Variants in STXBP5L observed in about 807,000 individuals in gnomAD.
STXBP5L encodes the protein syntaxin binding protein 5L.
In STXBP5L, 65 loss-of-function variants were observed where a neutral mutation model predicts 144.5. The ratio of observed to expected loss-of-function variants is 0.45; its 90% CI spans 0.37 to 0.55. The LOEUF is 0.55. Among genes scored for constraint, STXBP5L ranks in the 20% least tolerant of loss-of-function variants. STXBP5L has a pLI of 0.00. For synonymous variants in STXBP5L, 505 were observed against 469.6 expected (o/e 1.08, Z -0.97); for missense variants, 1,298 against 1,405.5 (o/e 0.92, Z 1.22).
At chr3:120,950,309 T>C (rs1337705503) in intron 2 of STXBP5L, among the ~76,000 whole-genome samples, 1 of 152,056 alleles carries the variant, frequency 6.6e-6, no homozygotes, top group Non-Finnish European at 1.5e-5. Context: ...TGGCACTCTT[T>C]TCAAAAATCA....
At chr3:121,399,200 AC>A (rs1465503795) in intron 22 of STXBP5L, among the ~76,000 whole-genome samples, 1 of 151,974 alleles carries the variant, frequency 6.6e-6, no homozygotes, top group Non-Finnish European at 1.5e-5. Context: ...AATGAACCAG[AC>A]CCCACACTTG....
intron 5 of STXBP5L, among the ~76,000 whole-genome samples, chr3:121,052,525 G>A (rs1486694145): frequency 1.3e-5 from 2 of 152,076 alleles, no homozygotes; most frequent in Non-Finnish European, 2.9e-5. Context: ...TGCATAAAAG[G>A]CCTTTGACAA....
intron 20 of STXBP5L, among the ~76,000 whole-genome samples, chr3:121,334,820 T>C (rs1268710265): frequency 1.3e-5 from 2 of 152,060 alleles, no homozygotes; most frequent in Non-Finnish European, 2.9e-5. Flanking sequence ...CTCAAAATAA[T>C]AAAAGTCATC....
At chr3:121,303,319 C>T (rs1577404019) in intron 19 of STXBP5L, among the ~76,000 whole-genome samples, 1 of 152,098 alleles carries the variant, frequency 6.6e-6, no homozygotes, top group Non-Finnish European at 1.5e-5. Context: ...AAATCAAAAC[C>T]ACAATGAGAT....
At chr3:121,044,741 T>C (rs1290884046) in intron 4 of STXBP5L, among the ~76,000 whole-genome samples, 1 of 152,152 alleles carries the variant, frequency 6.6e-6, no homozygotes, top group Non-Finnish European at 1.5e-5. Flanking sequence ...TTATTATCTG[T>C]CCACATGCTT....
At chr3:121,180,827 C>T (rs938273261) in intron 9 of STXBP5L, among the ~76,000 whole-genome samples, 7 of 152,066 alleles carry the variant, frequency 4.6e-5, no homozygotes, top group Non-Finnish European at 8.8e-5. Flanking sequence ...GAGCCAAAAT[C>T]GTGCCATTGC....
chr3:121,103,285 A>AT (rs2043523126), intron 5 of STXBP5L, among the ~76,000 whole-genome samples: 1 of 152,208 alleles, frequency 6.6e-6, no homozygotes, highest in East Asian at 1.9e-4. Context: ...ACATGGAATC[A>AT]ACCCAGGTGC....
At chr3:120,932,843 T>G (rs7652758) in intron 2 of STXBP5L, among the ~76,000 whole-genome samples, 15,027 of 151,948 alleles carry the variant, frequency 0.099, 1,152 homozygotes, top group Admixed American at 0.2. Flanking sequence ...GTGGCACATA[T>G]ACACCATGGA....
At chr3:120,993,221 G>T (rs1943067418) in intron 3 of STXBP5L, among the ~76,000 whole-genome samples, 1 of 152,092 alleles carries the variant, frequency 6.6e-6, no homozygotes, top group Non-Finnish European at 1.5e-5. Flanking sequence ...TCCTTTGTTA[G>T]ATGGATAGTT....
intron 19 of STXBP5L, among the ~76,000 whole-genome samples, chr3:121,297,371 T>C (rs1190637619): frequency 6.6e-6 from 1 of 151,896 alleles, no homozygotes. Flanking sequence ...CATAATTGAG[T>C]GGGGGGACAA....
At chr3:121,190,192 G>A (rs1017573128) in intron 9 of STXBP5L, among the ~76,000 whole-genome samples, 4 of 152,202 alleles carry the variant, frequency 2.6e-5, no homozygotes, top group Non-Finnish European at 5.9e-5. Context: ...TTCCTAGGCA[G>A]AGGGCCCTGC....
intron 9 of STXBP5L, among the ~76,000 whole-genome samples, chr3:121,177,973 A>T (rs1272195424): frequency 6.6e-6 from 1 of 152,216 alleles, no homozygotes; most frequent in East Asian, 1.9e-4. Flanking sequence ...TGAACATGCT[A>T]CAACATGGAT....
chr3:121,065,448 C>A (rs577417861), intron 5 of STXBP5L, among the ~76,000 whole-genome samples: 1 of 152,212 alleles, frequency 6.6e-6, no homozygotes, highest in South Asian at 2.1e-4. Context: ...TAGTTAGGAC[C>A]TTGTATTAAC....
chr3:121,183,941 A>G (rs1052964105), intron 9 of STXBP5L, among the ~76,000 whole-genome samples: 1 of 152,106 alleles, frequency 6.6e-6, no homozygotes. Flanking sequence ...ATGGACCTCC[A>G]GCAAACTCCA....
At chr3:120,955,475 CAGTT>C (rs1427458741) in intron 3 of STXBP5L, among the ~76,000 whole-genome samples, 8 of 152,126 alleles carry the variant, frequency 5.3e-5, no homozygotes, top group South Asian at 2.1e-4. Context: ...AAAGTGGAAA[CAGTT>C]AATTAATTTG....
chr3:121,383,541 A>C (rs1443983777), intron 22 of STXBP5L, among the ~76,000 whole-genome samples: 1 of 152,168 alleles, frequency 6.6e-6, no homozygotes, highest in Non-Finnish European at 1.5e-5. Context: ...TGCTGTTAAA[A>C]ATACACTCTA....
intron 9 of STXBP5L, among the ~76,000 whole-genome samples, chr3:121,174,695 C>G (rs1425900232): frequency 1.3e-5 from 2 of 152,282 alleles, no homozygotes; most frequent in African/African-American, 2.4e-5. Context: ...CCTGGGGCTA[C>G]AGACATAAGG....
intron 10 of STXBP5L, among the ~76,000 whole-genome samples, chr3:121,210,717 G>T (rs949329435): frequency 5.9e-5 from 9 of 152,062 alleles, no homozygotes; most frequent in Non-Finnish European, 7.3e-5. Context: ...TTTTTGTCAG[G>T]TTTGTCAAAG....
At chr3:120,909,417 A>T (rs1403611332) in intron 1 of STXBP5L, among the ~76,000 whole-genome samples, 154 bp from the exon 2 acceptor site, 1 of 152,150 alleles carries the variant, frequency 6.6e-6, no homozygotes, top group Non-Finnish European at 1.5e-5. Context: ...AATTTGGCAA[A>T]ACGAATCCTG....
Sources: allele counts gnomAD v4.1 joint callset (sites outside exome capture counted in the v4.1 genomes callset), GRCh38; gene constraint gnomAD v4.1.1; transcripts MANE v1.5; gene names NCBI Gene and HGNC (gene_info 2026-07-23, HGNC 2026-07-21).